SP140L: variants seen among roughly 807,000 people sequenced by gnomAD.
SP140L encodes the protein SP140 like nuclear body protein, also known as nuclear body protein SP140-like protein.
A neutral mutation model predicts 84.3 loss-of-function variants in SP140L; 64 were observed. That is an observed-to-expected ratio of 0.76 (90% confidence interval 0.62 to 0.94). SP140L has a LOEUF of 0.94. SP140L is among the 40% of genes least tolerant of loss of function. The probability of loss-of-function intolerance (pLI) is 0.00; values close to 1 mark genes in which losing one functional copy is unlikely to be tolerated. For synonymous variants in SP140L, 242 were observed against 236.9 expected (o/e 1.02, Z -0.20); for missense variants, 628 against 692.5 (o/e 0.91, Z 1.05).
At chr2:230,389,207 C>G (rs933073592) in intron 10 of SP140L, among the ~76,000 whole-genome samples, 4 of 152,086 alleles carry the variant, frequency 2.6e-5, no homozygotes, top group African/African-American at 7.2e-5. Context: ...GACCAAAGAC[C>G]GCTTCCCCTG....
chr2:230,372,310 T>C (rs1365025347), intron 7 of SP140L: 1 of 152,248 alleles, frequency 6.6e-6, no homozygotes, highest in Non-Finnish European at 1.5e-5. Flanking sequence ...TGGGGTGTCT[T>C]TGAGATTGCG....
chr2:230,330,701 T>A (rs2059701969), intron 2 of SP140L, among the ~76,000 whole-genome samples: 1 of 152,264 alleles, frequency 6.6e-6, no homozygotes, highest in Non-Finnish European at 1.5e-5. Context: ...ATTTGATATC[T>A]TTATGCTATT....
At chr2:230,356,743 G>T (rs1466514919) in intron 2 of SP140L, among the ~76,000 whole-genome samples, 5 of 152,194 alleles carry the variant, frequency 3.3e-5, no homozygotes, top group Non-Finnish European at 7.4e-5. Flanking sequence ...ACCTCTAGGA[G>T]CATCCCCTAC....
intron 2 of SP140L, among the ~76,000 whole-genome samples, chr2:230,341,528 C>A (rs1467609007): frequency 1.3e-5 from 2 of 151,350 alleles, no homozygotes; most frequent in Admixed American, 1.3e-4. Context: ...TGTTCTGTTG[C>A]TGGTGAGGAA....
intron 11 of SP140L, chr2:230,391,662 C>T (rs191243409): frequency 3.6e-5 from 6 of 164,696 alleles, no homozygotes; most frequent in Admixed American, 3.4e-4. Context: ...CCACAGGGCA[C>T]CTATCTCAGA....
chr2:230,371,785 A>G, intron 7 of SP140L, 134 bp downstream of exon 7: 1 of 790,538 alleles, frequency 1.3e-6, no homozygotes, highest in South Asian at 1.6e-5. Flanking sequence ...GGCCACCCCA[A>G]AAAACGTCCA....
chr2:230,396,613 G>T, intron 13 of SP140L, 144 bp from the exon 14 acceptor site: 1 of 891,836 alleles, frequency 1.1e-6, no homozygotes, highest in Non-Finnish European at 1.7e-6. Context: ...AGCCACCCCA[G>T]CCTACTGGCC....
chr2:230,351,054 T>G (rs1393191255), intron 2 of SP140L, among the ~76,000 whole-genome samples: 1 of 152,138 alleles, frequency 6.6e-6, no homozygotes, highest in Admixed American at 6.5e-5. Context: ...CTTGAAGAAA[T>G]GGAGAGCATT....
chr2:230,327,396 T>A, intron 1 of SP140L, 95 bp downstream of exon 1: 3 of 1,418,094 alleles, frequency 2.1e-6, no homozygotes, highest in Non-Finnish European at 1.9e-6. Flanking sequence ...TTCAGTTTAG[T>A]CCTGCTTTGC....
At chr2:230,337,816 G>A (rs1274210292) in intron 2 of SP140L, among the ~76,000 whole-genome samples, 20 of 152,072 alleles carry the variant, frequency 1.3e-4, no homozygotes, top group Admixed American at 2.0e-4. Flanking sequence ...GATACGCAGC[G>A]TTATTTCTGA....
chr2:230,347,139 G>A (rs2060231893), intron 2 of SP140L, among the ~76,000 whole-genome samples: 1 of 152,186 alleles, frequency 6.6e-6, no homozygotes, highest in South Asian at 2.1e-4. Flanking sequence ...CAGGATTATT[G>A]CCTGTGCTCT....
At chr2:230,358,820 C>T (rs1043618805) in intron 3 of SP140L, 144 bp from the exon 4 acceptor site, 4 of 651,498 alleles carry the variant, frequency 6.1e-6, no homozygotes, top group African/African-American at 5.7e-5. Context: ...ACTGGCTATA[C>T]AAATATGTAA....
chr2:230,401,411 T>C lies in SP140L; in HGVS notation c.1468T>C (p.Ser490Pro). The stretch of plus-strand genomic sequence containing the variant: ...GAAAGTCTATTGCTGTTCTGAGAGC[T>C]CCTTTTTTGCCAAGATTCCATACTA... ...LLKVYCCSES[S>P]FFAKIPYYYY... The change falls in exon 17 of 19, where the codon TCC (serine) becomes CCC (proline). Residue 490 changes from serine to proline, a missense_variant. By Grantham distance (74) the Ser-to-Pro change is moderately conservative. Transcript: ENST00000415673. 2 of 1,574,004 alleles carry C rather than the reference T, an allele frequency of 1.3e-6. No individual in the cohort carries two copies. Among genetic ancestry groups the C allele is most frequent in the Admixed American group, 1.8e-5 (1 of 56,504 alleles).
At chr2:230,354,205 C>A (rs1455503993) in intron 2 of SP140L, among the ~76,000 whole-genome samples, 1 of 152,010 alleles carries the variant, frequency 6.6e-6, no homozygotes, top group Non-Finnish European at 1.5e-5. Context: ...GTCTATTGAT[C>A]TGTGGTTATT....
At chr2:230,327,610 T>C (rs1390642090) in intron 1 of SP140L, among the ~76,000 whole-genome samples, 1 of 152,168 alleles carries the variant, frequency 6.6e-6, no homozygotes, top group Non-Finnish European at 1.5e-5. Context: ...AGAGTTATTA[T>C]TTCCTCATGA....
chr2:230,363,601 T>C (rs1274092023), intron 5 of SP140L, among the ~76,000 whole-genome samples: 1 of 151,958 alleles, frequency 6.6e-6, no homozygotes, highest in Non-Finnish European at 1.5e-5. Context: ...GGTTTGCAAA[T>C]ATTTTCTCCC....
intron 2 of SP140L, among the ~76,000 whole-genome samples, chr2:230,330,741 G>T (rs565717961): frequency 6.6e-6 from 1 of 151,934 alleles, no homozygotes; most frequent in Non-Finnish European, 1.5e-5. Flanking sequence ...CTTTATCCAC[G>T]GTTTCACTTT....
intron 2 of SP140L, among the ~76,000 whole-genome samples, chr2:230,348,880 C>A (rs1283927318): frequency 6.6e-6 from 1 of 152,142 alleles, no homozygotes; most frequent in Non-Finnish European, 1.5e-5. Flanking sequence ...TTTGGGGAAC[C>A]CAGTGAAAAA....
intron 9 of SP140L, among the ~76,000 whole-genome samples, chr2:230,386,923 A>T (rs541834307): frequency 6.6e-6 from 1 of 152,314 alleles, no homozygotes; most frequent in East Asian, 1.9e-4. Context: ...AGCAGCAAGG[A>T]TATGACATCT....
Sources: gnomAD v4.1 joint callset for allele counts (sites outside exome capture counted in the v4.1 genomes callset) on GRCh38, gnomAD v4.1.1 for gene constraint, MANE v1.5 for transcripts, NCBI Gene and HGNC (gene_info 2026-07-23, HGNC 2026-07-21) for gene names.